The following KNDC1 variants were observed in gnomAD, a reference collection of about 807,000 sequenced individuals.
KNDC1 encodes the protein kinase non-catalytic C-lobe domain containing 1.
A neutral mutation model predicts 172.8 loss-of-function variants in KNDC1; 106 were observed. The ratio of observed to expected loss-of-function variants is 0.61; its 90% CI spans 0.52 to 0.72. KNDC1 has a LOEUF of 0.72. Ranked by LOEUF, KNDC1 falls within the 30% of genes least tolerant of loss-of-function variation. KNDC1 has a pLI of 0.00. For synonymous variants in KNDC1, 1,083 were observed against 1,062.2 expected, an observed-to-expected ratio of 1.02 and a Z score of -0.38; for missense variants, 2,325 against 2,394.5, an observed-to-expected ratio of 0.97 and a Z score of 0.61.
chr10:133,186,158 C>T lies in KNDC1; in HGVS notation c.810C>T (p.Gly270=), dbSNP rs780776347. The change falls in exon 6 of 30, where the codon GGC becomes GGT. Residue 270 remains glycine, a synonymous_variant. Transcript: ENST00000304613. ...KALLSTPVRN[G]ESHSREGLAG... ...TGCTGTCCACCCCGGTGAGAAATGG[C>T]GAGAGCCACAGCCGGGAGGGGCTGG... 34 of 1,582,530 alleles carry T rather than the reference C, an allele frequency of 2.1e-5. No homozygotes were observed. In the South Asian group the frequency reaches 2.4e-4, roughly 11 times the overall value.
intron 1 of KNDC1, among the ~76,000 whole-genome samples, chr10:133,161,699 G>A (rs532204667): frequency 1.3e-5 from 2 of 152,286 alleles, no homozygotes; most frequent in Non-Finnish European, 2.9e-5. Context: ...GCAGCCAGGG[G>A]AGGCAATAAA....
chr10:133,195,912 C>A, intron 10 of KNDC1, 91 bp downstream of exon 10: 2 of 1,300,506 alleles, frequency 1.5e-6, no homozygotes, highest in Non-Finnish European at 2.0e-6. Flanking sequence ...GGAGCACGGG[C>A]TGCCAGTGTC....
chr10:133,174,318 C>T (rs187093380), intron 3 of KNDC1: 73 of 150,864 alleles, frequency 4.8e-4, no homozygotes, highest in Middle Eastern at 3.4e-3. Flanking sequence ...ACTTGCAACA[C>T]GGAAGGAAGG....
chr10:133,200,307 G>A (rs943197005), intron 15 of KNDC1, 68 bp from the exon 16 acceptor site: 8 of 1,259,542 alleles, frequency 6.4e-6, no homozygotes, highest in South Asian at 1.5e-5. Context: ...TGTGGGCCCC[G>A]CCCTGTGGAG....
At chr10:133,185,352 AGTAGGCAGTGTGTACAGTGTG>A in intron 5 of KNDC1, among the ~76,000 whole-genome samples, 1 of 103,106 alleles carries the variant, frequency 9.7e-6, no homozygotes, top group African/African-American at 3.3e-5. Flanking sequence ...TGCAGTGTGG[AGTAGGCAGTGTGTACAGTGTG>A]GAGTAGGCAG....
chr10:133,176,954 G>A (rs1853553351), intron 3 of KNDC1, among the ~76,000 whole-genome samples: 1 of 152,198 alleles, frequency 6.6e-6, no homozygotes, highest in South Asian at 2.1e-4. Context: ...GCCTGGTCAG[G>A]CCATGGCAGG....
chr10:133,183,286 G>A (rs968420943), intron 3 of KNDC1, 58 bp from the exon 4 acceptor site: 40 of 1,494,740 alleles, frequency 2.7e-5, no homozygotes, highest in Middle Eastern at 4.7e-4. Flanking sequence ...AGTGCTGGCC[G>A]CGGTCGGGGT....
intron 3 of KNDC1, among the ~76,000 whole-genome samples, chr10:133,173,696 C>T (rs922627900): frequency 2.6e-5 from 4 of 152,208 alleles, no homozygotes; most frequent in South Asian, 2.1e-4. Flanking sequence ...GCCTGTTCCC[C>T]GGGTCACTGT....
At chr10:133,215,839 AC>A (rs1845459596) in intron 26 of KNDC1, among the ~76,000 whole-genome samples, 1 of 152,218 alleles carries the variant, frequency 6.6e-6, no homozygotes, top group Admixed American at 6.5e-5. Flanking sequence ...GCAGGCTCAC[AC>A]CCAGGGCTGC....
Position 133,225,670 on chromosome 10 carries a change from G to A in KNDC1, c.*780G>A, listed in dbSNP as rs568972075. 602 of 152,514 alleles carry A rather than the reference G, an allele frequency of 3.9e-3. 3 individuals carry two copies. The highest frequency in any genetic ancestry group is 6.4e-3 in the Non-Finnish European group (433 of 68,188). 9.4% of individuals were successfully genotyped at this position (152,514 alleles called of 1,614,324 possible). On this transcript the variant is annotated 3_prime_UTR_variant, in exon 30 of 30. Transcript: ENST00000304613. ...AGCTCCAAGACAGAGGCTCTGTGGCGGGGGTCCCTGAGAGTGCCCCCACCC... is the reference window on the plus strand; with the variant it reads ...AGCTCCAAGACAGAGGCTCTGTGGCAGGGGTCCCTGAGAGTGCCCCCACCC...
In KNDC1 at chr10:133,188,237, G is replaced by A. The variant is rs374141779; in HGVS notation, c.1327-302G>A. ...CCTCGGTTCCTCGGGGAATGTGGCC[G>A]TGTGGAACTGCTGTCACCTGGGAGG... On this transcript the variant is annotated intron_variant, in intron 6 of 29. Coordinates refer to ENST00000304613, the MANE Select transcript of KNDC1 (RefSeq NM_152643.8). Among the ~76,000 whole-genome samples, 11 of 152,310 alleles carry A rather than the reference G, an allele frequency of 7.2e-5. No homozygotes were observed. In the South Asian group the frequency reaches 1.9e-3, roughly 26 times the overall value.
intron 17 of KNDC1, 22 bp from the exon 18 acceptor site, chr10:133,206,663 A>G (rs753933241): frequency 1.9e-6 from 3 of 1,607,314 alleles, no homozygotes; most frequent in South Asian, 1.1e-5. Flanking sequence ...CCTGGGGCTT[A>G]GGCGCTGTGT....
chr10:133,197,692 G>A lies in KNDC1; in HGVS notation c.1830G>A (p.Glu610=), dbSNP rs764168067. ...CTCCCCAGGTGTACCAGGAGGAAGA[G>A]ACCATCAGCCTCCAAAACGCCTTCT... ...ASICQVYQEE[E]TISLQNAFSV... Residue 610 remains glutamate (E), a synonymous_variant, in exon 12 of 30, where the codon GAG becomes GAA. Transcript: ENST00000304613. 6.2e-6 allele frequency: 10 copies of A among 1,613,164 alleles called. No homozygotes were observed. Among genetic ancestry groups the A allele is most frequent in the Non-Finnish European group, 8.5e-6 (10 of 1,179,748 alleles).
Position 133,211,768 on chromosome 10 carries a change from A to C in KNDC1, c.4146A>C (p.Thr1382=). The change falls in exon 23 of 30, where the codon ACA becomes ACC. Residue 1382 remains threonine, a synonymous_variant. Coordinates refer to ENST00000304613, the MANE Select transcript of KNDC1 (RefSeq NM_152643.8). The part of the protein sequence containing the change: ...DRRAEGNPRG[T]DLENPREAEE... ...GGGCCGAGGGCAACCCTCGCGGCAC[A>C]GACCTGGAGAACCCCAGGGAGGCCG... 6.2e-7 allele frequency: 1 copy of C among 1,610,628 alleles called. No individual in the cohort carries two copies. Among genetic ancestry groups the C allele is most frequent in the Non-Finnish European group, 8.5e-7 (1 of 1,179,264 alleles).
rs1025398196 is a variant in KNDC1, at chr10:133,209,412, G to T, written c.3795-1199G>T. On this transcript the variant is annotated intron_variant, in intron 20 of 29. Coordinates refer to ENST00000304613, the MANE Select transcript of KNDC1 (RefSeq NM_152643.8). The surrounding 1 kb of genome is among the most constrained non-coding windows in gnomAD (Gnocchi z 4.9). ...TGTGTGCACATGTGTGATCTGTGGT[G>T]TGTGGCGGGTATAGTGTGTGTGTGC... is the stretch of plus-strand genomic sequence containing the variant. Among the ~76,000 whole-genome samples, 6 of 138,712 alleles carry T rather than the reference G, an allele frequency of 4.3e-5. No homozygotes were observed. Among genetic ancestry groups the T allele is most frequent in the African/African-American group, 2.5e-5 (1 of 40,298 alleles). The allele number at this position is 138,712 out of a possible 152,430, so 91.0% of individuals were successfully genotyped here. A position where few individuals can be genotyped will look rare whatever the true frequency, so the allele number is the denominator to read the frequency against.
At chr10:133,203,885 G>A (rs1854449200) in intron 17 of KNDC1, among the ~76,000 whole-genome samples, 1 of 152,372 alleles carries the variant, frequency 6.6e-6, no homozygotes, top group South Asian at 2.1e-4. Flanking sequence ...GAGTCTGACT[G>A]TGAACGGAGG....
chr10:133,212,692 C>T (rs566635425), intron 23 of KNDC1, 24 bp from the exon 24 acceptor site: 2 of 1,606,440 alleles, frequency 1.2e-6, no homozygotes, highest in East Asian at 2.2e-5. Flanking sequence ...GCTTAGGCCC[C>T]TCAGTGCCCG....
intron 26 of KNDC1, among the ~76,000 whole-genome samples, chr10:133,217,291 G>A (rs571645535): frequency 1.9e-4 from 29 of 152,378 alleles, no homozygotes; most frequent in African/African-American, 6.7e-4. Flanking sequence ...AGACTGAGAC[G>A]TCAGCGTAGA....
chr10:133,205,415 C>G (rs1017917188), intron 17 of KNDC1, among the ~76,000 whole-genome samples: 16 of 152,272 alleles, frequency 1.1e-4, no homozygotes, highest in Non-Finnish European at 1.9e-4. Flanking sequence ...GGCGACAGCC[C>G]TGGGGATGAG....
Sources: allele counts gnomAD v4.1 joint callset (sites outside exome capture counted in the v4.1 genomes callset), GRCh38; gene constraint gnomAD v4.1.1; non-coding constraint Gnocchi (gnomAD v3.1); transcripts MANE v1.5; gene names NCBI Gene and HGNC (gene_info 2026-07-23, HGNC 2026-07-21).